The following SPATS2 variants were observed in gnomAD, a reference collection of about 807,000 sequenced individuals.
SPATS2 encodes the protein spermatogenesis-associated serine-rich protein 2.
Under a neutral mutation model 63.7 loss-of-function variants are expected in SPATS2, and 38 were observed. The observed-to-expected ratio is 0.60, with a 90% CI of 0.46 to 0.78. The LOEUF is 0.78. Ranked by LOEUF, SPATS2 falls within the 30% of genes least tolerant of loss-of-function variation. The pLI, the probability that SPATS2 is intolerant of heterozygous loss-of-function variation, is 0.00. For synonymous variants in SPATS2, 207 were observed against 232.9 expected (o/e 0.89, Z 1.01); for missense variants, 588 against 666.2 (o/e 0.88, Z 1.29).
At chr12:49,448,778 C>T (rs1036125400) in intron 2 of SPATS2, among the ~76,000 whole-genome samples, 1 of 148,132 alleles carries the variant, frequency 6.8e-6, no homozygotes, top group African/African-American at 2.5e-5. Context: ...TCCCATATTT[C>T]TCTCTGCTCT....
intron 2 of SPATS2, among the ~76,000 whole-genome samples, chr12:49,435,638 CTTTTTTTTTTTTTTT>C (rs34420984): frequency 1.0e-5 from 1 of 96,028 alleles, no homozygotes; most frequent in South Asian, 3.8e-4. Context: ...TGAATGGTTT[CTTTTTTTTTTTTTTT>C]TTTTTTTTTT....
intron 3 of SPATS2, among the ~76,000 whole-genome samples, chr12:49,481,846 A>C (rs1416111780): frequency 6.6e-6 from 1 of 151,996 alleles, no homozygotes; most frequent in Non-Finnish European, 1.5e-5. Flanking sequence ...ATTTAGCAGC[A>C]CTTTTTCCTT....
At chr12:49,518,569 A>G (rs1038568276) in intron 10 of SPATS2, among the ~76,000 whole-genome samples, 14 of 152,210 alleles carry the variant, frequency 9.2e-5, no homozygotes, top group Non-Finnish European at 1.8e-4. Context: ...GGTAAAAGAA[A>G]GACCATGTGT....
At chr12:49,467,207 C>G (rs1252016238) in intron 3 of SPATS2, among the ~76,000 whole-genome samples, 1 of 147,112 alleles carries the variant, frequency 6.8e-6, no homozygotes, top group Non-Finnish European at 1.5e-5. Context: ...CACCACCATG[C>G]CTGGCTAATT....
intron 3 of SPATS2, among the ~76,000 whole-genome samples, chr12:49,477,563 G>C (rs971468406): frequency 6.6e-6 from 1 of 152,204 alleles, no homozygotes; most frequent in Non-Finnish European, 1.5e-5. Flanking sequence ...ACCGTCAGTC[G>C]GTATGCTTAC....
intron 6 of SPATS2, 82 bp downstream of exon 6, chr12:49,490,813 A>G (rs770078006): frequency 1.6e-5 from 21 of 1,308,860 alleles, no homozygotes; most frequent in Non-Finnish European, 2.1e-5. Context: ...TTTGAAAGAA[A>G]AGGTTCACAT....
At chr12:49,511,963 T>TC (rs1456311109) in intron 9 of SPATS2, among the ~76,000 whole-genome samples, 2 of 152,200 alleles carry the variant, frequency 1.3e-5, no homozygotes, top group African/African-American at 2.4e-5. Context: ...GTGTGTATAA[T>TC]ATTTTGGTGG....
In SPATS2 at chr12:49,476,843, C is replaced by T. The variant is rs534848332; in HGVS notation, c.26-7747C>T. On this transcript the variant is annotated intron_variant, in intron 3 of 13. Coordinates refer to ENST00000552918, the MANE Select transcript of SPATS2 (RefSeq NM_023071.4). ...GAACTTGGCTGGGCGCGGTGGCTCA[C>T]GCCTGTAATCCCAGCACTTTGGGAG... 6.7e-4 allele frequency among the ~76,000 whole-genome samples: 102 copies of T among 152,354 alleles called. 1 individual carries two copies. Among genetic ancestry groups the T allele is most frequent in the African/African-American group, 2.3e-3 (96 of 41,592 alleles).
At chr12:49,380,236 A>G (rs1944191460) in intron 2 of SPATS2, among the ~76,000 whole-genome samples, 1 of 147,504 alleles carries the variant, frequency 6.8e-6, no homozygotes, top group Non-Finnish European at 1.5e-5. Flanking sequence ...GTGTGATTAC[A>G]GCTCTCTGCA....
At chr12:49,467,922 A>T (rs1027776910) in intron 3 of SPATS2, among the ~76,000 whole-genome samples, 2 of 151,474 alleles carry the variant, frequency 1.3e-5, no homozygotes, top group Non-Finnish European at 2.9e-5. Context: ...TTTAGTAGAG[A>T]CGGGGTTTCA....
intron 2 of SPATS2, among the ~76,000 whole-genome samples, chr12:49,389,198 C>T (rs567989236): frequency 3.3e-5 from 5 of 152,298 alleles, no homozygotes; most frequent in Non-Finnish European, 5.9e-5. Context: ...AGCCTTCTCA[C>T]GCAAAGCTTC....
intron 2 of SPATS2, among the ~76,000 whole-genome samples, chr12:49,454,011 C>T (rs1422486448): frequency 6.6e-6 from 1 of 151,780 alleles, no homozygotes; most frequent in Non-Finnish European, 1.5e-5. Flanking sequence ...TACAGGCTCC[C>T]GCCACCATGC....
At chr12:49,450,722 T>A (rs1041769581) in intron 2 of SPATS2, among the ~76,000 whole-genome samples, 2 of 151,946 alleles carry the variant, frequency 1.3e-5, no homozygotes, top group Admixed American at 1.3e-4. Context: ...TTTTGTATTT[T>A]TAGTAGAGAT....
intron 9 of SPATS2, among the ~76,000 whole-genome samples, chr12:49,509,745 A>T (rs1390778321): frequency 6.7e-6 from 1 of 149,118 alleles, no homozygotes; most frequent in Non-Finnish European, 1.5e-5. Context: ...TGAACCCTGG[A>T]GGTAGACGTT....
intron 3 of SPATS2, among the ~76,000 whole-genome samples, chr12:49,472,426 C>T (rs969658489): frequency 6.6e-6 from 1 of 150,674 alleles, no homozygotes; most frequent in East Asian, 1.9e-4. Context: ...AACATCTGTT[C>T]ATTAAAAGGC....
Position 49,388,559 on chromosome 12 carries a change from A to G in SPATS2, c.-244+17269A>G, listed in dbSNP as rs536291827. Among the ~76,000 whole-genome samples the G allele has an allele frequency of 2.6e-5, 4 of 151,474 alleles. No individual in the cohort carries two copies. In the South Asian group the frequency reaches 8.4e-4, roughly 32 times the overall value. On this transcript the variant is annotated intron_variant, in intron 2 of 13. Coordinates refer to ENST00000552918, the MANE Select transcript of SPATS2 (RefSeq NM_023071.4). Reference sequence around the variant, plus strand: ...GGACTAATTTTTTTTATTTTTTTATATATATGGGGTTTTACCATGTTACTC... The same window carrying G: ...GGACTAATTTTTTTTATTTTTTTATGTATATGGGGTTTTACCATGTTACTC...
intron 3 of SPATS2, among the ~76,000 whole-genome samples, chr12:49,482,830 C>T (rs1048126605): frequency 1.3e-5 from 2 of 151,990 alleles, no homozygotes; most frequent in African/African-American, 4.8e-5. Context: ...CTCTCTGTCA[C>T]CCAGCTGGAA....
At chr12:49,440,098 G>A (rs1031200516) in intron 2 of SPATS2, among the ~76,000 whole-genome samples, 11 of 152,024 alleles carry the variant, frequency 7.2e-5, no homozygotes, top group East Asian at 1.9e-4. Flanking sequence ...ATCTTGTCAC[G>A]TTTGCTTTAT....
At chr12:49,386,370 G>A (rs1944319389) in intron 2 of SPATS2, among the ~76,000 whole-genome samples, 1 of 151,788 alleles carries the variant, frequency 6.6e-6, no homozygotes, top group Middle Eastern at 3.2e-3. Context: ...CACCTTGTTG[G>A]CCAGGCTGGT....
Sources: gnomAD v4.1 joint callset for allele counts (sites outside exome capture counted in the v4.1 genomes callset) on GRCh38, gnomAD v4.1.1 for gene constraint, MANE v1.5 for transcripts, NCBI Gene and HGNC (gene_info 2026-07-23, HGNC 2026-07-21) for gene names.